Variants in ZFHX3 observed in about 807,000 individuals in gnomAD.
ZFHX3 encodes zinc finger homeobox protein 3.
A neutral mutation model predicts 279.1 loss-of-function variants in ZFHX3; 42 were observed. The ratio of observed to expected loss-of-function variants is 0.15; its 90% CI spans 0.12 to 0.19. The LOEUF (loss-of-function observed/expected upper bound fraction) is 0.19. Among genes scored for constraint, ZFHX3 ranks in the 10% least tolerant of loss-of-function variants. The probability of loss-of-function intolerance (pLI) is 1.00; values close to 1 mark genes in which losing one functional copy is unlikely to be tolerated. For synonymous variants in ZFHX3, 2,293 were observed against 1,957.8 expected, an observed-to-expected ratio of 1.17 and a Z score of -4.52; for missense variants, 4,981 against 4,754.0, an observed-to-expected ratio of 1.05 and a Z score of -1.40.
At chr16:73,203,353 C>T (rs2011676407) in intron 5 of ZFHX3, among the ~76,000 whole-genome samples, 1 of 152,186 alleles carries the variant, frequency 6.6e-6, no homozygotes, top group African/African-American at 2.4e-5. Flanking sequence ...TTCCATGGCC[C>T]ATCCAGTCCT....
chr16:72,871,375 C>T (rs1320096987), intron 4 of ZFHX3, among the ~76,000 whole-genome samples: 1 of 150,018 alleles, frequency 6.7e-6, no homozygotes, highest in African/African-American at 2.5e-5. Context: ...CGGAGTCTCA[C>T]TCTGTTGCCA....
At chr16:73,188,910 C>T (rs1428443982) in intron 5 of ZFHX3, among the ~76,000 whole-genome samples, 2 of 148,930 alleles carry the variant, frequency 1.3e-5, no homozygotes, top group African/African-American at 2.5e-5. Flanking sequence ...TTTGCCCAGG[C>T]TGGAGTGCAG....
At chr16:72,919,334 T>C (rs2039524305) in intron 3 of ZFHX3, among the ~76,000 whole-genome samples, 1 of 151,938 alleles carries the variant, frequency 6.6e-6, no homozygotes, top group Non-Finnish European at 1.5e-5. Context: ...AATTTTTGTA[T>C]TTTTTTGTAG....
chr16:73,216,834 G>A (rs2012227442), intron 5 of ZFHX3, among the ~76,000 whole-genome samples: 1 of 152,082 alleles, frequency 6.6e-6, no homozygotes, highest in Admixed American at 6.6e-5. Flanking sequence ...CTAGGACTCT[G>A]TCTCCCCTTC....
At chr16:73,195,147 T>C (rs544066889) in intron 5 of ZFHX3, among the ~76,000 whole-genome samples, 1 of 152,118 alleles carries the variant, frequency 6.6e-6, no homozygotes, top group African/African-American at 2.4e-5. Flanking sequence ...TCTCTACTTC[T>C]ATACCATTGG....
At chr16:72,848,331 A>G (rs1189484995) in intron 4 of ZFHX3, among the ~76,000 whole-genome samples, 1 of 151,942 alleles carries the variant, frequency 6.6e-6, no homozygotes, top group Non-Finnish European at 1.5e-5. Context: ...AGCCCTATTG[A>G]TCTGCCGCAC....
intron 5 of ZFHX3, among the ~76,000 whole-genome samples, chr16:73,252,175 G>A (rs2013530052): frequency 6.6e-6 from 1 of 152,148 alleles, no homozygotes; most frequent in South Asian, 2.1e-4. Context: ...AAAATGCAGG[G>A]CTACTGAAGG....
chr16:73,109,168 AG>A (rs561086600), intron 7 of ZFHX3, among the ~76,000 whole-genome samples: 350 of 152,316 alleles, frequency 2.3e-3, no homozygotes, highest in African/African-American at 7.7e-3. Flanking sequence ...GTATTTTTCC[AG>A]ACTTTTTCCT....
intron 6 of ZFHX3, chr16:73,134,687 T>C (rs11646738): frequency 6.6e-6 from 1 of 152,046 alleles, no homozygotes; most frequent in Non-Finnish European, 1.5e-5. Flanking sequence ...GTACCCACTG[T>C]GGGAGATTTT....
At chr16:72,852,940 G>A (rs2037655800) in intron 4 of ZFHX3, among the ~76,000 whole-genome samples, 1 of 152,228 alleles carries the variant, frequency 6.6e-6, no homozygotes, top group African/African-American at 2.4e-5. Context: ...AACTGGACAA[G>A]TGAGTCACAA....
intron 1 of ZFHX3, among the ~76,000 whole-genome samples, chr16:73,891,048 G>C (rs1464170690): frequency 1.2e-5 from 1 of 85,008 alleles, no homozygotes; most frequent in Admixed American, 1.6e-4. Context: ...CCCCCGCTCA[G>C]AGAAGTGATC....
chr16:72,957,706 T>C lies in ZFHX3; in HGVS notation c.2440A>G (p.Asn814Asp), dbSNP rs1961321414. ...WRCEVCDYET[N>D]VARNLRIHMT... ...TGAATGCGGAGGTTCCTGGCCACGTTGGTCTCATAATCACACACCTCGCAC... is the reference window on the plus strand; with the variant it reads ...TGAATGCGGAGGTTCCTGGCCACGTCGGTCTCATAATCACACACCTCGCAC... Residue 814 changes from asparagine (N) to aspartate (D), a missense_variant, in exon 2 of 10, where the codon AAC becomes GAC. Physicochemically the swap from Asn to Asp is conservative, Grantham distance 23. Transcript: ENST00000268489. The C allele has an allele frequency of 6.2e-7, 1 of 1,614,030 alleles. No individual in the cohort carries two copies. Among genetic ancestry groups the C allele is most frequent in the Non-Finnish European group, 8.5e-7 (1 of 1,180,032 alleles).
intron 1 of ZFHX3, among the ~76,000 whole-genome samples, chr16:73,695,329 C>G (rs560623441): frequency 6.6e-6 from 1 of 151,710 alleles, no homozygotes; most frequent in Non-Finnish European, 1.5e-5. Context: ...TCCACCTCCC[C>G]GGGTTCAAGC....
At chr16:72,819,516 G>A (rs2036717019) in intron 5 of ZFHX3, among the ~76,000 whole-genome samples, 1 of 152,212 alleles carries the variant, frequency 6.6e-6, no homozygotes, top group Admixed American at 6.5e-5. Context: ...GTCAGATAAT[G>A]TACATTTCCA....
At chr16:73,623,327 C>A (rs1227298120) in intron 2 of ZFHX3, among the ~76,000 whole-genome samples, 1 of 151,980 alleles carries the variant, frequency 6.6e-6, no homozygotes, top group Non-Finnish European at 1.5e-5. Context: ...TGAGCCACTG[C>A]GCCCGGCCGG....
intron 1 of ZFHX3, chr16:73,812,479 C>T (rs1960453208): frequency 1.3e-5 from 2 of 152,194 alleles, no homozygotes; most frequent in Admixed American, 6.5e-5. Context: ...GACCCCTGAT[C>T]ATAGACACGT....
rs983727854 is a variant in ZFHX3 at position 72,950,829 on chromosome 16, C to T, written c.2856G>A (p.Lys952=). The change falls in exon 3 of 10, where the codon AAG becomes AAA. Residue 952 remains lysine, a synonymous_variant. Transcript: ENST00000268489. ...GCATGTCCAGGTTGTCCGTCGTGAA[C>T]TTGTTGCAGACGGCGCACTGGAAGA... ...LKLFQCAVCN[K]FTTDNLDMLG... is the part of the protein sequence containing the mutation. The T allele has an allele frequency of 6.2e-6, 10 of 1,614,056 alleles. 1 individual carries two copies. The highest frequency in any genetic ancestry group is 3.3e-5 in the South Asian group (3 of 91,086).
chr16:73,072,789 C>G (rs1407433850), intron 8 of ZFHX3, among the ~76,000 whole-genome samples: 1 of 152,188 alleles, frequency 6.6e-6, no homozygotes, highest in Admixed American at 6.5e-5. Context: ...AGGCTGGTCT[C>G]GAACTCCTGG....
chr16:73,290,306 G>C (rs1287079400), intron 4 of ZFHX3, among the ~76,000 whole-genome samples: 1 of 152,070 alleles, frequency 6.6e-6, no homozygotes. Flanking sequence ...CTGAGAGAGA[G>C]ACTGGAAGCT....
Sources: gnomAD v4.1 joint callset for allele counts (sites outside exome capture counted in the v4.1 genomes callset) on GRCh38, gnomAD v4.1.1 for gene constraint, MANE v1.5 for transcripts, NCBI Gene and HGNC (gene_info 2026-07-23, HGNC 2026-07-21) for gene names.